Variants in MEF2C observed in about 807,000 individuals in gnomAD.
The protein encoded by MEF2C is myocyte enhancer factor 2C, also known as myocyte-specific enhancer factor 2C.
MEF2C carries 6 observed loss-of-function variants against 50.5 expected under a neutral mutation model. That is an observed-to-expected ratio of 0.12 (90% CI 0.07 to 0.23). The LOEUF (loss-of-function observed/expected upper bound fraction) is 0.23. Ranked by LOEUF, MEF2C falls within the 10% of genes least tolerant of loss-of-function variation. The pLI is 1.00. For synonymous variants in MEF2C, 183 were observed against 228.0 expected (o/e 0.80, Z 1.78); for missense variants, 276 against 605.0 (o/e 0.46, Z 5.70).
chr5:88,807,951 C>A (rs547459595), intron 2 of MEF2C, among the ~76,000 whole-genome samples: 1 of 152,128 alleles, frequency 6.6e-6, no homozygotes, highest in Admixed American at 6.5e-5. Flanking sequence ...TGTTTTTCAC[C>A]TTCTATTTCA....
chr5:88,736,805 A>G, intron 6 of MEF2C: 5 of 985,256 alleles, frequency 5.1e-6, no homozygotes, highest in East Asian at 1.1e-4. Flanking sequence ...TATGAAACCT[A>G]ATTTCCAATG....
intron 6 of MEF2C, chr5:88,735,968 A>G (rs1455075583): frequency 7.1e-6 from 7 of 985,082 alleles, no homozygotes; most frequent in Non-Finnish European, 8.4e-6. Flanking sequence ...GAATACAAGC[A>G]TATAAGACTA....
chr5:88,762,578 TTATTA>T (rs766405912), intron 3 of MEF2C, among the ~76,000 whole-genome samples: 35 of 113,350 alleles, frequency 3.1e-4, no homozygotes, highest in Non-Finnish European at 6.6e-4. Context: ...TGCTTTATTA[TTATTA>T]TTTTTTTTTA....
chr5:88,739,983 A>G (rs1282635868), intron 6 of MEF2C: 1 of 985,116 alleles, frequency 1.0e-6, no homozygotes, highest in Admixed American at 6.2e-5. Flanking sequence ...GCATAATGTT[A>G]AACTATGAAG....
intron 3 of MEF2C, among the ~76,000 whole-genome samples, chr5:88,778,145 T>C (rs1785836171): frequency 6.6e-6 from 1 of 151,600 alleles, no homozygotes; most frequent in African/African-American, 2.4e-5. Flanking sequence ...CTTGACCTTG[T>C]GATCCACCCG....
chr5:88,804,411 ACT>A (rs1799527693), intron 3 of MEF2C, 185 bp downstream of exon 3: 1 of 577,128 alleles, frequency 1.7e-6, no homozygotes. Flanking sequence ...TCATCACATC[ACT>A]CTAACTTTTG....
intron 3 of MEF2C, among the ~76,000 whole-genome samples, chr5:88,773,472 G>A (rs1380503770): frequency 6.6e-6 from 1 of 152,096 alleles, no homozygotes; most frequent in African/African-American, 2.4e-5. Context: ...TTCTTCCTTA[G>A]AACTATATAA....
chr5:88,856,239 A>C (rs1462285496), intron 1 of MEF2C, among the ~76,000 whole-genome samples: 1 of 152,206 alleles, frequency 6.6e-6, no homozygotes, highest in African/African-American at 2.4e-5. Context: ...TATTTGGTGG[A>C]ATAAGTTTCT....
At chr5:88,860,982 C>G (rs1021440236) in intron 1 of MEF2C, among the ~76,000 whole-genome samples, 1 of 152,148 alleles carries the variant, frequency 6.6e-6, no homozygotes, top group African/African-American at 2.4e-5. Flanking sequence ...ATCACTTCCC[C>G]TGTTACTTCA....
chr5:88,847,675 C>CT (rs200499181), intron 1 of MEF2C, among the ~76,000 whole-genome samples: 172 of 151,680 alleles, frequency 1.1e-3, no homozygotes, highest in African/African-American at 3.6e-3. Flanking sequence ...CTTTTCTTTT[C>CT]TTTTTTTTCA....
At chr5:88,734,097 G>A (rs1282856803) in intron 6 of MEF2C, 1 of 984,924 alleles carries the variant, frequency 1.0e-6, no homozygotes, top group Non-Finnish European at 1.2e-6. Context: ...AGTGCTTAGA[G>A]GAGTTTTATA....
At chr5:88,793,952 G>A (rs886639868) in intron 3 of MEF2C, among the ~76,000 whole-genome samples, 2 of 152,078 alleles carry the variant, frequency 1.3e-5, no homozygotes, top group Non-Finnish European at 2.9e-5. Flanking sequence ...GCTTCACCCA[G>A]GTCCCTGCAA....
At chr5:88,751,568 A>C in intron 5 of MEF2C, 1 of 973,944 alleles carries the variant, frequency 1.0e-6, no homozygotes, top group Non-Finnish European at 1.2e-6. Context: ...AAAAGTGTGG[A>C]GAAAGGATAT....
chr5:88,734,952 A>G (rs760685506), intron 6 of MEF2C: 39 of 985,120 alleles, frequency 4.0e-5, no homozygotes, highest in Non-Finnish European at 4.6e-5. Context: ...GCTTTTTGCT[A>G]GTGAATTTCT....
At chr5:88,775,909 AC>A in intron 3 of MEF2C, 1 of 636,176 alleles carries the variant, frequency 1.6e-6, no homozygotes, top group Non-Finnish European at 2.0e-6. Context: ...CCTCAGTATG[AC>A]TTAAAGCAGA....
chr5:88,899,690 G>A (rs1286095820), intron 1 of MEF2C, among the ~76,000 whole-genome samples: 2 of 152,160 alleles, frequency 1.3e-5, no homozygotes, highest in Non-Finnish European at 2.9e-5. Flanking sequence ...GCAGGGCAAT[G>A]ATTAAACTTG....
chr5:88,728,472 A>G, intron 10 of MEF2C, 21 bp downstream of exon 10: 1 of 1,406,374 alleles, frequency 7.1e-7, no homozygotes, highest in Non-Finnish European at 9.3e-7. Context: ...AAATTATATT[A>G]TAAAAAATAA....
intron 3 of MEF2C, chr5:88,772,177 G>A (rs1281910149): frequency 6.6e-6 from 1 of 152,330 alleles, no homozygotes; most frequent in East Asian, 1.9e-4. Context: ...GAAAAGCAGA[G>A]TATACACAGA....
chr5:88,761,066 T>A (rs1253365311), intron 4 of MEF2C, 119 bp downstream of exon 4: 2 of 1,613,812 alleles, frequency 1.2e-6, no homozygotes, highest in Admixed American at 3.3e-5. Context: ...GTGGGGTGAG[T>A]GCATAAGAGG....
Sources: allele counts gnomAD v4.1 joint callset (sites outside exome capture counted in the v4.1 genomes callset), GRCh38; gene constraint gnomAD v4.1.1; transcripts MANE v1.5; gene names NCBI Gene and HGNC (gene_info 2026-07-23, HGNC 2026-07-21).